The following PDE4D variants were observed in gnomAD, a reference collection of about 807,000 sequenced individuals.
The protein encoded by PDE4D is phosphodiesterase 4D.
PDE4D carries 24 observed loss-of-function variants against 87.4 expected under a neutral mutation model. That is an observed-to-expected ratio of 0.27 (90% CI 0.20 to 0.39). The LOEUF (loss-of-function observed/expected upper bound fraction) is 0.39, where lower values mean the gene tolerates loss of function less well. Ranked by LOEUF, PDE4D falls within the 10% of genes least tolerant of loss-of-function variation. The probability of loss-of-function intolerance (pLI) is 1.00; values close to 1 mark genes in which losing one functional copy is unlikely to be tolerated. For missense variants in PDE4D, 714 were observed against 1,041.0 expected (o/e 0.69, Z 4.32); for synonymous variants, 384 against 383.2 (o/e 1.00, Z -0.02).
chr5:60,191,505 C>G (rs1054866342), intron 1 of PDE4D, among the ~76,000 whole-genome samples: 2 of 152,124 alleles, frequency 1.3e-5, no homozygotes, highest in Non-Finnish European at 2.9e-5. Context: ...TCTTGCTTCC[C>G]CTTCGCCTTT....
chr5:60,424,048 G>A (rs956131335), intron 1 of PDE4D, among the ~76,000 whole-genome samples: 1 of 152,120 alleles, frequency 6.6e-6, no homozygotes, highest in Non-Finnish European at 1.5e-5. Flanking sequence ...ATAATTAATA[G>A]CCTACCAACC....
intron 5 of PDE4D, among the ~76,000 whole-genome samples, chr5:59,176,081 A>AAAGAGCATCTTTG (rs1442136894): frequency 1.3e-5 from 2 of 152,188 alleles, no homozygotes; most frequent in Non-Finnish European, 2.9e-5. Flanking sequence ...TCTTTGTCAT[A>AAAGAGCATCTTTG]TCACACTAAA....
chr5:59,381,822 TAAC>T (rs1785926119), intron 1 of PDE4D, among the ~76,000 whole-genome samples: 2 of 151,836 alleles, frequency 1.3e-5, no homozygotes, highest in African/African-American at 4.8e-5. Context: ...CTTTCTAACT[TAAC>T]ATGTTTCAGA....
chr5:59,932,422 C>T (rs1561877308), intron 3 of PDE4D, among the ~76,000 whole-genome samples: 1 of 152,114 alleles, frequency 6.6e-6, no homozygotes, highest in Non-Finnish European at 1.5e-5. Flanking sequence ...TTCATATGCA[C>T]CATTACATTT....
chr5:60,190,467 A>G (rs958815163), intron 1 of PDE4D, among the ~76,000 whole-genome samples: 4 of 152,190 alleles, frequency 2.6e-5, no homozygotes, highest in Admixed American at 6.5e-5. Context: ...ATTTCCTGCT[A>G]TTTACATTTT....
chr5:60,016,287 C>T (rs1765513136), intron 2 of PDE4D, among the ~76,000 whole-genome samples: 1 of 152,070 alleles, frequency 6.6e-6, no homozygotes, highest in East Asian at 1.9e-4. Flanking sequence ...GTTAAAAATA[C>T]TTTATACTAG....
At chr5:59,796,381 G>A (rs1271069839) in intron 1 of PDE4D, among the ~76,000 whole-genome samples, 2 of 152,240 alleles carry the variant, frequency 1.3e-5, no homozygotes, top group Non-Finnish European at 2.9e-5. Context: ...CAAGGCTTTG[G>A]TAACTGGGGA....
intron 1 of PDE4D, among the ~76,000 whole-genome samples, chr5:59,347,188 G>C (rs919706458): frequency 1.3e-5 from 2 of 152,102 alleles, no homozygotes; most frequent in African/African-American, 4.8e-5. Context: ...AAAAATTCCT[G>C]AAAATCAAGG....
rs1278390877 is a variant in PDE4D at position 59,200,254 on chromosome 5, TATAC to T, written c.648-6722_648-6719del. On this transcript the variant is annotated intron_variant, in intron 2 of 14. Coordinates refer to ENST00000340635, the MANE Select transcript of PDE4D (RefSeq NM_001104631.2). ...ACATATGTGTATGTACAGCTACACGTATACATACATATGTGTATGTACAGCTACA... is the reference window on the plus strand; with the variant it reads ...ACATATGTGTATGTACAGCTACACGTATACATATGTGTATGTACAGCTACA... Among the ~76,000 whole-genome samples the T allele has an allele frequency of 6.8e-5, 9 of 133,030 alleles. 1 individual carries two copies. The highest frequency in any genetic ancestry group is 2.2e-4 in the Admixed American group (3 of 13,930). 87.3% of individuals were successfully genotyped at this position (133,030 alleles called of 152,430 possible).
At chr5:59,879,242 T>G (rs1293410472) in intron 1 of PDE4D, among the ~76,000 whole-genome samples, 1 of 152,190 alleles carries the variant, frequency 6.6e-6, no homozygotes, top group Non-Finnish European at 1.5e-5. Flanking sequence ...ATCCACATAA[T>G]TTCCCTGCTT....
At chr5:59,085,190 G>C (rs1470090931) in intron 5 of PDE4D, among the ~76,000 whole-genome samples, 1 of 152,118 alleles carries the variant, frequency 6.6e-6, no homozygotes, top group Non-Finnish European at 1.5e-5. Flanking sequence ...TTGCTTAAGT[G>C]TAGTATATTC....
intron 1 of PDE4D, among the ~76,000 whole-genome samples, chr5:59,847,723 C>T (rs886230598): frequency 1.3e-5 from 2 of 152,098 alleles, no homozygotes; most frequent in African/African-American, 4.8e-5. Context: ...CCTCTATAAT[C>T]TGAGCCCAGT....
chr5:59,134,397 G>A (rs922690897), intron 5 of PDE4D, among the ~76,000 whole-genome samples: 2 of 151,866 alleles, frequency 1.3e-5, no homozygotes, highest in African/African-American at 4.8e-5. Flanking sequence ...CATTAATTTT[G>A]TTCCACAGAG....
At chr5:59,177,415 T>C (rs1784071897) in intron 5 of PDE4D, among the ~76,000 whole-genome samples, 1 of 152,178 alleles carries the variant, frequency 6.6e-6, no homozygotes, top group East Asian at 1.9e-4. Context: ...CAAAACCAAG[T>C]AATAACAACA....
intron 1 of PDE4D, among the ~76,000 whole-genome samples, chr5:59,788,454 C>T (rs1224917892): frequency 6.6e-6 from 1 of 152,174 alleles, no homozygotes; most frequent in African/African-American, 2.4e-5. Flanking sequence ...CTGGGAGAAG[C>T]AGAGAGCTTT....
At chr5:60,466,217 G>A (rs886738841) in intron 1 of PDE4D, among the ~76,000 whole-genome samples, 1 of 152,120 alleles carries the variant, frequency 6.6e-6, no homozygotes, top group African/African-American at 2.4e-5. Flanking sequence ...GGAACGAGAT[G>A]GTCATAAATG....
At chr5:59,703,070 G>A (rs1442050665) in intron 1 of PDE4D, among the ~76,000 whole-genome samples, 2 of 152,102 alleles carry the variant, frequency 1.3e-5, no homozygotes, top group African/African-American at 2.4e-5. Context: ...TGTTCCCTGA[G>A]TCTCACTGGG....
chr5:59,536,504 C>CAAAAAAAAAAAAAAAAAAAAAAA (rs10586960), intron 1 of PDE4D, among the ~76,000 whole-genome samples: 4 of 56,374 alleles, frequency 7.1e-5, no homozygotes, highest in African/African-American at 3.7e-4. Flanking sequence ...GACTCAGCCT[C>CAAAAAAAAAAAAAAAAAAAAAAA]AAAAAAAAAA....
At position 59,196,743 on chromosome 5, in the gene PDE4D, A is replaced by C. The variant is rs185206437; in HGVS notation, c.648-3207T>G. ...AGTGTGTTAGAAGTCCGAAGACAAA[A>C]AACATTTTCAATAGGTGTATATACT... On this transcript the variant is annotated intron_variant, in intron 2 of 14. Transcript: ENST00000340635. Among the ~76,000 whole-genome samples, 1,203 of 152,304 alleles carry C rather than the reference A, an allele frequency of 7.9e-3. 17 individuals are homozygous for C. The highest frequency in any genetic ancestry group is 0.027 in the African/African-American group (1,119 of 41,556).
Sources: allele counts gnomAD v4.1 joint callset (sites outside exome capture counted in the v4.1 genomes callset), GRCh38; gene constraint gnomAD v4.1.1; transcripts MANE v1.5; gene names NCBI Gene and HGNC (gene_info 2026-07-23, HGNC 2026-07-21).